C5: variants seen among roughly 807,000 people sequenced by gnomAD.
C5 encodes C3 and PZP-like alpha-2-macroglobulin domain-containing protein 4.
C5 carries 140 observed loss-of-function variants against 218.8 expected under a neutral mutation model. The ratio of observed to expected loss-of-function variants is 0.64; its 90% CI spans 0.56 to 0.74. The LOEUF (loss-of-function observed/expected upper bound fraction) is 0.74, where lower values mean the gene tolerates loss of function less well. Ranked by LOEUF, C5 falls within the 30% of genes least tolerant of loss-of-function variation. The pLI is 0.00. For synonymous variants in C5, 614 were observed against 682.3 expected (o/e 0.90, Z 1.56); for missense variants, 1,700 against 1,969.6 (o/e 0.86, Z 2.59).
chr9:121,031,788 G>C (rs372724911), intron 6 of C5, among the ~76,000 whole-genome samples: 3 of 152,254 alleles, frequency 2.0e-5, no homozygotes, highest in African/African-American at 7.2e-5. Flanking sequence ...TTAATTGGCT[G>C]GGTGCGGTGG....
intron 8 of C5, among the ~76,000 whole-genome samples, chr9:121,026,855 C>G (rs1032444075): frequency 6.6e-6 from 1 of 151,944 alleles, no homozygotes; most frequent in Non-Finnish European, 1.5e-5. Context: ...TGGGAAAGAG[C>G]ATTTTCAAGC....
At chr9:120,986,586 C>T (rs1383325936) in intron 25 of C5, among the ~76,000 whole-genome samples, 2 of 152,034 alleles carry the variant, frequency 1.3e-5, no homozygotes, top group Admixed American at 6.6e-5. Flanking sequence ...TCTTGAAAGG[C>T]TCTGAGTGTT....
Position 120,957,340 on chromosome 9 carries a change from A to C in C5, c.4707T>G (p.Thr1569=), listed in dbSNP as rs768542181. ...YAYKVSITSI[T]VENVFVKYKA... ...TGTACTTGACAAAAACATTTTCTAC[A>C]GTGATGGATGTGATGCTAACTTTAT... Residue 1569 remains threonine, a synonymous_variant, in exon 39 of 41, where the codon ACT becomes ACG. Transcript: ENST00000223642. The C allele has an allele frequency of 8.1e-6, 13 of 1,613,046 alleles. No individual in the cohort carries two copies. Among genetic ancestry groups the C allele is most frequent in the East Asian group, 6.7e-5 (3 of 44,806 alleles).
intron 25 of C5, among the ~76,000 whole-genome samples, chr9:120,983,360 C>T (rs2047009159): frequency 6.6e-6 from 1 of 152,102 alleles, no homozygotes; most frequent in South Asian, 2.1e-4. Context: ...AATTTCAAGT[C>T]TCTACTAATA....
rs377417930 is a variant in C5, at chr9:120,989,077, T to G, written c.3199A>C (p.Ser1067Arg). The change falls in exon 25 of 41, where the codon AGT becomes CGT. Residue 1067 changes from serine (S) to arginine (R), a missense_variant. Coordinates refer to ENST00000223642, the MANE Select transcript of C5 (RefSeq NM_001735.3). ...CTAGCACTTCCACCCTTCCACACAC[T>G]GTAAGAGTAGTCAGCATTTCTGTAG... ...MSYRNADYSY[S>R]VWKGGSASTW... is the part of the protein sequence containing the mutation. 262 of 1,613,820 alleles carry G rather than the reference T, an allele frequency of 1.6e-4. No homozygotes were observed. The highest frequency in any genetic ancestry group is 2.0e-4 in the Non-Finnish European group (233 of 1,179,812).
chr9:121,017,981 AGTGGCTCACACCT>A, intron 12 of C5, 129 bp from the exon 13 acceptor site: 2 of 674,392 alleles, frequency 3.0e-6, no homozygotes, highest in Non-Finnish European at 5.2e-6. Flanking sequence ...GGCTGGGCAC[AGTGGCTCACACCT>A]GTAATCCTAG....
At chr9:121,056,976 T>C in the C5 span, among the ~76,000 whole-genome samples, 1 of 152,152 alleles carries the variant, frequency 6.6e-6, no homozygotes, top group Non-Finnish European at 1.5e-5. Context: ...GAAAGGATCT[T>C]AAAAGCAGCA....
At chr9:121,057,287 C>T in the C5 span, among the ~76,000 whole-genome samples, 62 of 152,134 alleles carry the variant, frequency 4.1e-4, no homozygotes, top group African/African-American at 1.1e-3. Context: ...GTATAAAACT[C>T]GCTGGTAAAA....
intron 38 of C5, among the ~76,000 whole-genome samples, chr9:120,957,785 T>C (rs990340052): frequency 6.6e-6 from 1 of 152,138 alleles, no homozygotes; most frequent in African/African-American, 2.4e-5. Context: ...GTCTACCATG[T>C]GAGCTTTCTT....
the C5 span, among the ~76,000 whole-genome samples, chr9:121,067,950 C>G: frequency 6.6e-6 from 1 of 152,130 alleles, no homozygotes; most frequent in Non-Finnish European, 1.5e-5. Context: ...ATAAATTACT[C>G]AGTTCTTTAT....
intron 20 of C5, among the ~76,000 whole-genome samples, chr9:121,005,514 G>A (rs2047208583): frequency 6.6e-6 from 1 of 152,170 alleles, no homozygotes; most frequent in Non-Finnish European, 1.5e-5. Flanking sequence ...CTGAAATCAA[G>A]ATTTCAGAGA....
chr9:120,960,468 C>A, intron 37 of C5, 131 bp from the exon 38 acceptor site: 1 of 663,042 alleles, frequency 1.5e-6, no homozygotes, highest in Non-Finnish European at 2.7e-6. Flanking sequence ...ATTTCTAAGA[C>A]CTGCCCATTT....
At chr9:120,993,178 G>T (rs529757588) in intron 22 of C5, among the ~76,000 whole-genome samples, 1 of 152,144 alleles carries the variant, frequency 6.6e-6, no homozygotes, top group Non-Finnish European at 1.5e-5. Context: ...GTGGAGAGAC[G>T]AGAACCCTCG....
At chr9:121,011,575 A>T (rs897066288) in intron 17 of C5, among the ~76,000 whole-genome samples, 1 of 152,178 alleles carries the variant, frequency 6.6e-6, no homozygotes, top group Non-Finnish European at 1.5e-5. Context: ...GAGGTTCCTT[A>T]AAAAACAAAG....
chr9:121,021,175 A>G (rs2047362143), intron 11 of C5, among the ~76,000 whole-genome samples: 1 of 152,186 alleles, frequency 6.6e-6, no homozygotes, highest in South Asian at 2.1e-4. Context: ...GTGGCCCTTC[A>G]GGGGATTAAA....
At chr9:121,054,404 A>T (rs760315626), upstream of C5, among the ~76,000 whole-genome samples, 1 of 152,184 alleles carries the variant, frequency 6.6e-6, no homozygotes, top group African/African-American at 2.4e-5. Flanking sequence ...GTTCAAGACC[A>T]GTCTGGCCAA....
chr9:121,059,632 T>C, the C5 span, among the ~76,000 whole-genome samples: 1 of 152,216 alleles, frequency 6.6e-6, no homozygotes, highest in Non-Finnish European at 1.5e-5. The surrounding 1 kb of genome is among the most constrained non-coding windows in gnomAD (Gnocchi z 4.1). Flanking sequence ...TGTGGTCCCT[T>C]CCCACACTGT....
At chr9:120,994,235 T>C (rs2047099177) in intron 22 of C5, among the ~76,000 whole-genome samples, 1 of 152,330 alleles carries the variant, frequency 6.6e-6, no homozygotes, top group South Asian at 2.1e-4. Context: ...TTAGCATTTT[T>C]TTTTAACTGA....
At chr9:120,988,427 C>T (rs1401733143) in intron 25 of C5, among the ~76,000 whole-genome samples, 1 of 151,980 alleles carries the variant, frequency 6.6e-6, no homozygotes, top group Non-Finnish European at 1.5e-5. Context: ...TTGGTAAAGA[C>T]CTGAGGGAAA....
Sources: allele counts gnomAD v4.1 joint callset (sites outside exome capture counted in the v4.1 genomes callset), GRCh38; gene constraint gnomAD v4.1.1; non-coding constraint Gnocchi (gnomAD v3.1); transcripts MANE v1.5; gene names NCBI Gene and HGNC (gene_info 2026-07-23, HGNC 2026-07-21).